The following PIP5K1C variants were observed in gnomAD, a reference collection of about 807,000 sequenced individuals.
PIP5K1C encodes the protein phosphatidylinositol-4-phosphate 5-kinase type 1 gamma.
PIP5K1C carries 45 observed loss-of-function variants against 80.1 expected under a neutral mutation model. The ratio of observed to expected loss-of-function variants is 0.56; its 90% CI spans 0.44 to 0.72. The LOEUF (loss-of-function observed/expected upper bound fraction) is 0.72, where lower values mean the gene tolerates loss of function less well. PIP5K1C is among the 30% of genes least tolerant of loss of function. PIP5K1C has a pLI of 0.00. For missense variants in PIP5K1C, 753 were observed against 954.6 expected, an observed-to-expected ratio of 0.79 and a Z score of 2.78; for synonymous variants, 498 against 420.1, an observed-to-expected ratio of 1.19 and a Z score of -2.27.
chr19:3,633,586 AGAGG>A, intron 16 of PIP5K1C, 66 bp from the exon 17 acceptor site: 2 of 1,082,224 alleles, frequency 1.8e-6, no homozygotes, highest in Non-Finnish European at 2.5e-6. Flanking sequence ...CAAGAGAGGC[AGAGG>A]GAGGAAGGAA....
intron 5 of PIP5K1C, 102 bp from the exon 6 acceptor site, chr19:3,656,659 G>T: frequency 2.3e-6 from 3 of 1,306,616 alleles, no homozygotes; most frequent in Non-Finnish European, 2.2e-6. Context: ...ATGACGGGTC[G>T]CTGCATTTTA....
chr19:3,666,615 G>A (rs1339075886), intron 2 of PIP5K1C, among the ~76,000 whole-genome samples: 1 of 151,122 alleles, frequency 6.6e-6, no homozygotes. Context: ...ACACACGCAC[G>A]TAGGCAAATG....
At chr19:3,670,214 G>A (rs191909236) in intron 1 of PIP5K1C, among the ~76,000 whole-genome samples, 121 of 152,308 alleles carry the variant, frequency 7.9e-4, no homozygotes, top group African/African-American at 2.8e-3. Context: ...CCTGCCTGAG[G>A]GTGCGGGGTT....
rs950447889 is a variant in PIP5K1C at position 3,637,845 on chromosome 19, C to A, written c.1920+1039G>T. Reference sequence around the variant, plus strand: ...GGCATCAGGACACAGACACACAGCACGACATGGCCCCCAGGCCCCCCGTAC... The same window carrying A: ...GGCATCAGGACACAGACACACAGCAAGACATGGCCCCCAGGCCCCCCGTAC... On this transcript the variant is annotated intron_variant, in intron 16 of 17. Transcript: ENST00000335312. The surrounding 1 kb of genome is among the most constrained non-coding windows in gnomAD (Gnocchi z 7.0). 5 of 1,535,236 alleles carry A rather than the reference C, an allele frequency of 3.3e-6. No individual in the cohort carries two copies. Among genetic ancestry groups the A allele is most frequent in the African/African-American group, 2.7e-5 (2 of 73,012 alleles).
chr19:3,645,243 C>T (rs1021282983), intron 11 of PIP5K1C, among the ~76,000 whole-genome samples: 1 of 152,252 alleles, frequency 6.6e-6, no homozygotes, highest in African/African-American at 2.4e-5. Context: ...TCCCAAGCAT[C>T]TCTGTGGGCC....
intron 13 of PIP5K1C, 54 bp downstream of exon 13, chr19:3,643,189 G>C: frequency 1.2e-6 from 2 of 1,603,582 alleles, no homozygotes; most frequent in Non-Finnish European, 1.7e-6. Flanking sequence ...TGAATGCCCC[G>C]CCCCCACGCA....
intron 16 of PIP5K1C, 81 bp downstream of exon 16, chr19:3,638,803 A>G: frequency 6.4e-7 from 1 of 1,564,954 alleles, no homozygotes; most frequent in Non-Finnish European, 8.8e-7. Flanking sequence ...AGGTGTGTGT[A>G]TGCGGTGTGC....
intron 5 of PIP5K1C, among the ~76,000 whole-genome samples, chr19:3,657,771 AAAAAGAAAGAAAAC>A (rs2145469653): frequency 6.6e-6 from 1 of 151,184 alleles, no homozygotes; most frequent in East Asian, 1.9e-4. Flanking sequence ...ACTAAAAAAA[AAAAAGAAAGAAAAC>A]AAAAACAGGC....
At chr19:3,679,341 C>T (rs1215221083) in intron 1 of PIP5K1C, among the ~76,000 whole-genome samples, 2 of 152,184 alleles carry the variant, frequency 1.3e-5, no homozygotes, top group Admixed American at 6.5e-5. Flanking sequence ...AGGGGCCTTG[C>T]GCGTGCTGCG....
Position 3,637,185 on chromosome 19 carries a change from C to A in PIP5K1C, c.1920+1699G>T. 1 of 1,429,322 alleles carries A rather than the reference C, an allele frequency of 7.0e-7. No homozygotes were observed. The highest frequency in any genetic ancestry group is 2.9e-5 in the Admixed American group (1 of 34,782). The allele number at this position is 1,429,322 out of a possible 1,614,324, so 88.5% of individuals were successfully genotyped here. ...GGTCTGCACGAGTGAGAAGCGTCCA[C>A]CCAAGACACCCTGACACGAGAGGGC... On this transcript the variant is annotated intron_variant, in intron 16 of 17. Transcript: ENST00000335312. The surrounding 1 kb of genome is among the most constrained non-coding windows in gnomAD (Gnocchi z 7.0).
intron 5 of PIP5K1C, among the ~76,000 whole-genome samples, chr19:3,659,098 C>A (rs764368753): frequency 1.3e-5 from 2 of 152,178 alleles, no homozygotes; most frequent in Non-Finnish European, 2.9e-5. Context: ...GGGACTGTGA[C>A]CTCAGCTGTC....
chr19:3,678,602 G>A (rs550806504), intron 1 of PIP5K1C, among the ~76,000 whole-genome samples: 1 of 135,176 alleles, frequency 7.4e-6, no homozygotes, highest in Non-Finnish European at 1.6e-5. Flanking sequence ...ATGGAGGGAT[G>A]GAGGGGTGGA....
At chr19:3,671,041 C>T (rs2035188884) in intron 1 of PIP5K1C, among the ~76,000 whole-genome samples, 1 of 152,204 alleles carries the variant, frequency 6.6e-6, no homozygotes, top group African/African-American at 2.4e-5. Context: ...CACGGTTTTA[C>T]GTCCAGGGTG....
intron 1 of PIP5K1C, among the ~76,000 whole-genome samples, chr19:3,671,632 A>T (rs1426116094): frequency 2.0e-5 from 3 of 152,132 alleles, no homozygotes; most frequent in Non-Finnish European, 4.4e-5. Flanking sequence ...CCCCAGGGAA[A>T]ATGTGGGGCT....
chr19:3,655,156 C>T lies in PIP5K1C; in HGVS notation c.621+1249G>A, dbSNP rs139218051. On this transcript the variant is annotated intron_variant, in intron 6 of 17. Coordinates refer to ENST00000335312, the MANE Select transcript of PIP5K1C (RefSeq NM_012398.3). ...TGAAGAGGCCAGGCGCGGTGGCTCA[C>T]GCCTATAATTCCAACACTCCAGGAG... 3.7e-3 allele frequency among the ~76,000 whole-genome samples: 520 copies of T among 140,808 alleles called. 11 individuals are homozygous for T. Among genetic ancestry groups the T allele is most frequent in the Admixed American group, 0.027 (355 of 13,274 alleles). The allele number at this position is 140,808 out of a possible 152,430, so 92.4% of individuals were successfully genotyped here.
intron 1 of PIP5K1C, among the ~76,000 whole-genome samples, chr19:3,678,117 A>T (rs2035443426): frequency 8.4e-6 from 1 of 118,496 alleles, no homozygotes; most frequent in Non-Finnish European, 1.7e-5. Context: ...GGAGGGATGG[A>T]GAGATGGAGG....
At chr19:3,646,504 C>T (rs926727926) in intron 10 of PIP5K1C, among the ~76,000 whole-genome samples, 1 of 152,146 alleles carries the variant, frequency 6.6e-6, no homozygotes, top group African/African-American at 2.4e-5. Flanking sequence ...ACTCCACCCC[C>T]GCAGGCTGCA....
intron 5 of PIP5K1C, among the ~76,000 whole-genome samples, chr19:3,659,814 T>A (rs1163003284): frequency 1.3e-5 from 2 of 152,024 alleles, no homozygotes; most frequent in South Asian, 2.1e-4. Context: ...CAGACTGAGA[T>A]AAACCAAACG....
chr19:3,653,640 C>CG, intron 6 of PIP5K1C, 51 bp from the exon 7 acceptor site: 1 of 1,536,682 alleles, frequency 6.5e-7, no homozygotes, highest in Non-Finnish European at 8.8e-7. Flanking sequence ...CACAGACTCA[C>CG]GGGGGCGGGC....
Sources: gnomAD v4.1 joint callset for allele counts (sites outside exome capture counted in the v4.1 genomes callset) on GRCh38, gnomAD v4.1.1 for gene constraint, Gnocchi (gnomAD v3.1) non-coding constraint, MANE v1.5 for transcripts, NCBI Gene and HGNC (gene_info 2026-07-23, HGNC 2026-07-21) for gene names.